The following PPP1R9A variants were observed in gnomAD, a reference collection of about 807,000 sequenced individuals.
PPP1R9A encodes protein phosphatase 1 regulatory subunit 9A, also known as neurabin-1.
PPP1R9A carries 59 observed loss-of-function variants against 141.9 expected under a neutral mutation model. That is an observed-to-expected ratio of 0.42 (90% CI 0.34 to 0.52). The LOEUF is 0.52. Among genes scored for constraint, PPP1R9A ranks in the 20% least tolerant of loss-of-function variants. The probability of loss-of-function intolerance (pLI) is 0.10; values close to 1 mark genes in which losing one functional copy is unlikely to be tolerated. For synonymous variants in PPP1R9A, 500 were observed against 569.7 expected, an observed-to-expected ratio of 0.88 and a Z score of 1.74; for missense variants, 1,444 against 1,611.9, an observed-to-expected ratio of 0.90 and a Z score of 1.78.
intron 3 of PPP1R9A, among the ~76,000 whole-genome samples, chr7:95,115,336 G>A (rs963530523): frequency 5.3e-5 from 8 of 152,142 alleles, no homozygotes; most frequent in African/African-American, 1.9e-4. Context: ...ATCAACTTTA[G>A]TAAAATAGAC....
intron 2 of PPP1R9A, among the ~76,000 whole-genome samples, chr7:94,967,726 G>C (rs937726055): frequency 1.3e-5 from 2 of 151,872 alleles, no homozygotes; most frequent in African/African-American, 4.8e-5. Flanking sequence ...GCTCTTGAGT[G>C]AGTTTCTTAA....
intron 4 of PPP1R9A, among the ~76,000 whole-genome samples, chr7:95,141,844 G>A (rs573368957): frequency 6.6e-6 from 1 of 152,156 alleles, no homozygotes; most frequent in African/African-American, 2.4e-5. Flanking sequence ...ACATTCATGT[G>A]ATAGTTTTTG....
At chr7:95,069,200 CCAA>C in intron 2 of PPP1R9A, among the ~76,000 whole-genome samples, 1 of 152,166 alleles carries the variant, frequency 6.6e-6, no homozygotes, top group Non-Finnish European at 1.5e-5. Flanking sequence ...AATGATTTTC[CCAA>C]CATGTGAGGA....
Position 95,111,445 on chromosome 7 carries a change from A to G in PPP1R9A, c.1528+54A>G, listed in dbSNP as rs115363206. The G allele has an allele frequency of 1.6e-3, 2,307 of 1,479,684 alleles. 26 individuals carry two copies. The African/African-American group carries it at 0.027, about 17-fold the overall frequency. 91.7% of individuals were successfully genotyped at this position (1,479,684 alleles called of 1,614,324 possible). ...TTATGTTGCTATGTTAATAATACAG[A>G]ATTATTTTTCCAAAATGTAGCCTTT... On this transcript the variant is annotated intron_variant, in intron 3 of 19. Transcript: ENST00000433360.
At chr7:95,048,026 G>T (rs1032371160) in intron 2 of PPP1R9A, among the ~76,000 whole-genome samples, 4 of 152,056 alleles carry the variant, frequency 2.6e-5, no homozygotes, top group African/African-American at 9.7e-5. Context: ...TTTTAAAAAG[G>T]AATAGCTGTT....
At chr7:95,085,338 G>A (rs902753027) in intron 2 of PPP1R9A, among the ~76,000 whole-genome samples, 2 of 151,146 alleles carry the variant, frequency 1.3e-5, no homozygotes, top group East Asian at 1.9e-4. Flanking sequence ...TGGACTTAGC[G>A]ATTCTCCCAT....
At chr7:95,254,703 A>G (rs1394092519) in intron 12 of PPP1R9A, among the ~76,000 whole-genome samples, 2 of 152,172 alleles carry the variant, frequency 1.3e-5, no homozygotes, top group Non-Finnish European at 2.9e-5. Flanking sequence ...TAGTAAAAGG[A>G]AGGGAAGGCA....
intron 2 of PPP1R9A, among the ~76,000 whole-genome samples, chr7:94,954,839 G>C (rs1290583645): frequency 4.0e-5 from 1 of 25,014 alleles, no homozygotes; most frequent in Admixed American, 5.3e-4. Flanking sequence ...ATATGCGTGT[G>C]TGTGTGTGTG....
chr7:95,270,185 C>T (rs953472637), intron 14 of PPP1R9A, among the ~76,000 whole-genome samples: 3 of 152,020 alleles, frequency 2.0e-5, no homozygotes, highest in Admixed American at 6.6e-5. Context: ...CTCTGTGGCC[C>T]CTGAAAGGTA....
In PPP1R9A at chr7:94,910,058, T is replaced by A; in HGVS notation, c.-56T>A. On this transcript the variant is annotated 5_prime_UTR_variant, in exon 2 of 20. Coordinates refer to ENST00000433360, the MANE Select transcript of PPP1R9A (RefSeq NM_001166160.2). This position sits in a 1 kb window ranked among gnomAD's most constrained non-coding sequence, Gnocchi z 4.5. ...GATTAGAGAAGAGAGGTATCTTGGT[T>A]TTTGGTTTTTTTCTTTGATCATTAT... 6.7e-7 allele frequency: 1 copy of A among 1,488,952 alleles called. No individual in the cohort carries two copies. The highest frequency in any genetic ancestry group is 2.3e-5 in the East Asian group (1 of 44,182). The allele number at this position is 1,488,952 out of a possible 1,614,324, so 92.2% of individuals were successfully genotyped here. A position where few individuals can be genotyped will look rare whatever the true frequency, so the allele number is the denominator to read the frequency against.
chr7:95,241,498 T>A (rs778776637), intron 8 of PPP1R9A, among the ~76,000 whole-genome samples: 1 of 152,148 alleles, frequency 6.6e-6, no homozygotes, highest in Non-Finnish European at 1.5e-5. Flanking sequence ...TGTTTTTAGT[T>A]GTGGTGTTCA....
intron 8 of PPP1R9A, among the ~76,000 whole-genome samples, chr7:95,229,010 G>A (rs549718735): frequency 6.6e-6 from 1 of 152,076 alleles, no homozygotes; most frequent in Non-Finnish European, 1.5e-5. Context: ...GGCTGAGGTG[G>A]GAAAATGGCT....
intron 8 of PPP1R9A, among the ~76,000 whole-genome samples, chr7:95,229,663 C>A (rs1406699040): frequency 6.6e-6 from 1 of 152,128 alleles, no homozygotes; most frequent in Non-Finnish European, 1.5e-5. Context: ...CCTCCCCCAA[C>A]CTGGTGGTCT....
At chr7:94,925,735 T>C (rs773211182) in intron 2 of PPP1R9A, among the ~76,000 whole-genome samples, 3 of 152,156 alleles carry the variant, frequency 2.0e-5, no homozygotes, top group African/African-American at 4.8e-5. Flanking sequence ...TTGGTGTTAA[T>C]AACCTGTTAT....
At chr7:95,161,833 A>G in intron 4 of PPP1R9A, 34 bp from the exon 5 acceptor site, 1 of 1,367,392 alleles carries the variant, frequency 7.3e-7, no homozygotes, top group South Asian at 1.3e-5. Context: ...TTTTTTATGT[A>G]ATTTATGTGG....
In PPP1R9A at chr7:95,286,281, A is replaced by G. The variant is rs1250878384; in HGVS notation, c.3685A>G (p.Lys1229Glu). ...ADLSGLGAEP[K>E]TPGLSQSLAL... The stretch of plus-strand genomic sequence containing the variant: ...CCTCAGCGGCTTAGGAGCAGAACCT[A>G]AAACACCAGGGCTCTCTCAGTCCTT... The change falls in exon 18 of 20, where the codon AAA becomes GAA. Residue 1229 changes from lysine (K) to glutamate (E), a missense_variant. Around this residue, in one of 5 missense-constraint regions of PPP1R9A, gnomAD observed 459 missense variants for 513.8 expected, o/e 0.89. Coordinates refer to ENST00000433360, the MANE Select transcript of PPP1R9A (RefSeq NM_001166160.2). 1 of 1,613,644 alleles carries G rather than the reference A, an allele frequency of 6.2e-7. No homozygotes were observed.
intron 4 of PPP1R9A, among the ~76,000 whole-genome samples, chr7:95,130,333 T>C (rs1438524420): frequency 1.3e-5 from 2 of 152,050 alleles, no homozygotes; most frequent in African/African-American, 2.4e-5. Context: ...TTCCATATGG[T>C]GTTGAGCCTG....
chr7:94,955,296 A>G (rs1796966879), intron 2 of PPP1R9A, among the ~76,000 whole-genome samples: 1 of 152,136 alleles, frequency 6.6e-6, no homozygotes, highest in African/African-American at 2.4e-5. Context: ...AGATAAACTT[A>G]GTATAAAATT....
chr7:95,015,491 A>C (rs529480853), intron 2 of PPP1R9A, among the ~76,000 whole-genome samples: 487 of 152,234 alleles, frequency 3.2e-3, no homozygotes, highest in Non-Finnish European at 4.8e-3. Context: ...TAACAGAGGA[A>C]AGTGTCAGTG....
Sources: gnomAD v4.1 joint callset for allele counts (sites outside exome capture counted in the v4.1 genomes callset) on GRCh38, gnomAD v4.1.1 for gene constraint, gnomAD v4.1.1 regional missense constraint, Gnocchi (gnomAD v3.1) non-coding constraint, MANE v1.5 for transcripts, NCBI Gene and HGNC (gene_info 2026-07-23, HGNC 2026-07-21) for gene names.